The following ADCY3 variants were observed in gnomAD, a reference collection of about 807,000 sequenced individuals.
ADCY3 encodes the protein adenylate cyclase 3.
In ADCY3, 70 loss-of-function variants were observed where a neutral mutation model predicts 119.4. That is an observed-to-expected ratio of 0.59 (90% CI 0.48 to 0.72). The LOEUF is 0.72. Ranked by LOEUF, ADCY3 falls within the 30% of genes least tolerant of loss-of-function variation. ADCY3 has a pLI of 0.00. For missense variants in ADCY3, 1,238 were observed against 1,541.6 expected (o/e 0.80, Z 3.30); for synonymous variants, 672 against 621.4 (o/e 1.08, Z -1.21).
At chr2:24,848,255 C>A (rs1369316952) in intron 3 of ADCY3, among the ~76,000 whole-genome samples, 1 of 152,246 alleles carries the variant, frequency 6.6e-6, no homozygotes, top group Admixed American at 6.5e-5. Context: ...TCTTAAGCCA[C>A]AAACAATAGC....
chr2:24,845,661 T>C (rs780073890), intron 3 of ADCY3, among the ~76,000 whole-genome samples: 20 of 152,192 alleles, frequency 1.3e-4, no homozygotes, highest in Non-Finnish European at 8.8e-5. Context: ...GGAAATCCCA[T>C]CTTCTGATAA....
intron 2 of ADCY3, among the ~76,000 whole-genome samples, chr2:24,875,896 T>C (rs1220173448): frequency 6.6e-6 from 1 of 152,128 alleles, no homozygotes; most frequent in Non-Finnish European, 1.5e-5. Context: ...CATTATTCTA[T>C]GGTTCAAAAC....
rs1007363233 is a variant in ADCY3, at chr2:24,842,682, G to A, written c.826-298C>T. On this transcript the variant is annotated intron_variant, in intron 3 of 21. Coordinates refer to ENST00000679454, the MANE Select transcript of ADCY3 (RefSeq NM_004036.5). The surrounding 1 kb of genome is among the most constrained non-coding windows in gnomAD (Gnocchi z 4.9). ...TCAGCATCCTCGTGCCACAAGAAGC[G>A]CAGCAGTCCTGCGTGGGCTGCTGCA... 10 of 392,128 alleles carry A rather than the reference G, an allele frequency of 2.6e-5. No individual in the cohort carries two copies. Among genetic ancestry groups the A allele is most frequent in the Non-Finnish European group, 3.9e-5 (8 of 205,944 alleles). The allele number at this position is 392,128 out of a possible 1,614,324, so 24.3% of individuals were successfully genotyped here.
intron 2 of ADCY3, among the ~76,000 whole-genome samples, chr2:24,906,887 T>C (rs1436843553): frequency 6.6e-6 from 1 of 151,992 alleles, no homozygotes; most frequent in Admixed American, 6.6e-5. Flanking sequence ...TCTCAGCAGT[T>C]TGGGAGGCAG....
intron 3 of ADCY3, among the ~76,000 whole-genome samples, chr2:24,858,625 T>C (rs892808927): frequency 5.9e-5 from 9 of 152,232 alleles, no homozygotes; most frequent in African/African-American, 1.7e-4. Flanking sequence ...CAGATAAATA[T>C]AAAATGCGCC....
chr2:24,868,289 CT>C (rs1674546537), intron 3 of ADCY3, among the ~76,000 whole-genome samples: 2 of 152,048 alleles, frequency 1.3e-5, no homozygotes, highest in Non-Finnish European at 2.9e-5. Context: ...CATATTAAAA[CT>C]TGTGAGATAA....
rs1368521086 is a variant in ADCY3, at chr2:24,836,989, C to T, written c.1590G>A (p.Glu530=). Residue 530 remains glutamate (E), a synonymous_variant, in exon 9 of 22, where the codon GAG becomes GAA. Transcript: ENST00000679454. The part of the protein sequence containing the change: ...SSKSSSPALI[E]TKEPNGSAHS... ...GGGCACTCCCGTTGGGCTCCTTGGTCTCAATGAGGGCAGGGGAGCTGGACT... is the reference window on the plus strand; with the variant it reads ...GGGCACTCCCGTTGGGCTCCTTGGTTTCAATGAGGGCAGGGGAGCTGGACT... 1 of 1,613,982 alleles carries T rather than the reference C, an allele frequency of 6.2e-7. No homozygotes were observed. The highest frequency in any genetic ancestry group is 1.3e-5 in the African/African-American group (1 of 74,920).
In ADCY3 at chr2:24,827,598, C is replaced by T. The variant is rs760947703; in HGVS notation, c.2443G>A (p.Val815Met). ...KRFREHDLPMVALEQMQGFNP... is the reference protein window; with the variant it reads ...KRFREHDLPMMALEQMQGFNP... ...AATCCTTGCATCTGCTCTAAGGCCA[C>T]CATAGGTAAGCTGTTGGACAGATAA... The change falls in exon 15 of 22, where the codon GTG (valine) becomes ATG (methionine). Residue 815 changes from valine (V) to methionine (M), a missense_variant. This residue lies in a region of ADCY3 where 499 missense variants were observed against 571.0 expected (regional missense o/e 0.87). Transcript: ENST00000679454. 1.3e-6 allele frequency: 2 copies of T among 1,587,228 alleles called. No homozygotes were observed. The highest frequency in any genetic ancestry group is 2.3e-5 in the South Asian group (2 of 87,630).
intron 2 of ADCY3, among the ~76,000 whole-genome samples, chr2:24,901,156 C>T (rs954892223): frequency 2.0e-5 from 3 of 152,188 alleles, no homozygotes; most frequent in Admixed American, 6.5e-5. Context: ...CACAGGATAG[C>T]GCTGGAGTCC....
intron 9 of ADCY3, among the ~76,000 whole-genome samples, 175 bp from the exon 10 acceptor site, chr2:24,835,111 A>G (rs374316564): frequency 9.0e-5 from 13 of 144,232 alleles, no homozygotes; most frequent in Admixed American, 8.2e-4. Flanking sequence ...ACGTGGCTCC[A>G]TGTGGCCTGG....
In ADCY3 at chr2:24,872,480, C is replaced by G. The variant is rs1675138845; in HGVS notation, c.825+90G>C. The G allele has an allele frequency of 6.7e-7, 1 of 1,501,258 alleles. No homozygotes were observed. The highest frequency in any genetic ancestry group is 2.0e-5 in the Admixed American group (1 of 49,120). The allele number at this position is 1,501,258 out of a possible 1,614,324, so 93.0% of individuals were successfully genotyped here. A position where few individuals can be genotyped will look rare whatever the true frequency, so the allele number is the denominator to read the frequency against. On this transcript the variant is annotated intron_variant, in intron 3 of 21. Coordinates refer to ENST00000679454, the MANE Select transcript of ADCY3 (RefSeq NM_004036.5). The surrounding 1 kb of genome is among the most constrained non-coding windows in gnomAD (Gnocchi z 4.4). ...TGGATGAACGCCAAGCCCCACGGAG[C>G]CAGGGGCTGCCGCTCTGGTTCCTCT...
chr2:24,860,566 G>C (rs777798338), intron 3 of ADCY3, among the ~76,000 whole-genome samples: 6 of 152,344 alleles, frequency 3.9e-5, no homozygotes, highest in Non-Finnish European at 8.8e-5. Context: ...GGAGGTTAAA[G>C]CAGCAAAGCC....
chr2:24,859,000 G>A (rs1673325457), intron 3 of ADCY3, among the ~76,000 whole-genome samples: 1 of 152,234 alleles, frequency 6.6e-6, no homozygotes, highest in Admixed American at 6.5e-5. Context: ...ACATCCAAGA[G>A]GTGAGAGTTG....
chr2:24,863,861 G>C (rs1311729298), intron 3 of ADCY3, among the ~76,000 whole-genome samples: 1 of 152,212 alleles, frequency 6.6e-6, no homozygotes, highest in East Asian at 1.9e-4. Context: ...GGTTCCCTGG[G>C]GCTGGGGTTT....
Position 24,820,807 on chromosome 2 carries a change from G to T in ADCY3, c.3169C>A (p.Arg1057=). Residue 1057 remains arginine (R), a synonymous_variant, in exon 21 of 22, where the codon CGG becomes AGG. Transcript: ENST00000679454. ...CCCCAGATGTCGTAGTGTGGTTTCC[G>T]GGCTCCGATGACCCCAGCCAGAACC... is the stretch of plus-strand genomic sequence containing the variant. ...GGVLAGVIGA[R]KPHYDIWGNT... 6.2e-7 allele frequency: 1 copy of T among 1,613,988 alleles called. No homozygotes were observed. The highest frequency in any genetic ancestry group is 8.5e-7 in the Non-Finnish European group (1 of 1,179,992).
intron 3 of ADCY3, among the ~76,000 whole-genome samples, chr2:24,868,621 A>G (rs1242585293): frequency 1.3e-5 from 2 of 149,850 alleles, no homozygotes; most frequent in Admixed American, 1.3e-4. Flanking sequence ...GTAACAGAGC[A>G]AGATTCAGTC....
At chr2:24,875,857 G>A (rs1031451696) in intron 2 of ADCY3, among the ~76,000 whole-genome samples, 1 of 152,184 alleles carries the variant, frequency 6.6e-6, no homozygotes, top group Non-Finnish European at 1.5e-5. Flanking sequence ...TAAAACTAGA[G>A]GGTGAGATCT....
chr2:24,860,243 C>A (rs1308516794), intron 3 of ADCY3, among the ~76,000 whole-genome samples: 1 of 152,172 alleles, frequency 6.6e-6, no homozygotes, highest in African/African-American at 2.4e-5. Context: ...TGCTTAGCAA[C>A]CCTCAAGGTC....
intron 17 of ADCY3, among the ~76,000 whole-genome samples, chr2:24,824,111 G>C (rs1668242176): frequency 6.6e-6 from 1 of 152,266 alleles, no homozygotes; most frequent in Non-Finnish European, 1.5e-5. Flanking sequence ...ACAGGCAACA[G>C]AAAGGTGGGC....
Sources: allele counts gnomAD v4.1 joint callset (sites outside exome capture counted in the v4.1 genomes callset), GRCh38; gene constraint gnomAD v4.1.1; regional missense constraint gnomAD v4.1.1; non-coding constraint Gnocchi (gnomAD v3.1); transcripts MANE v1.5; gene names NCBI Gene and HGNC (gene_info 2026-07-23, HGNC 2026-07-21).